MGLL: variants seen among roughly 807,000 people sequenced by gnomAD.
MGLL encodes monoglyceride lipase, also known as lysophospholipase homolog.
Under a neutral mutation model 29.1 loss-of-function variants are expected in MGLL, and 7 were observed. The ratio of observed to expected loss-of-function variants is 0.24; its 90% CI spans 0.14 to 0.45. The LOEUF is 0.45. Among genes scored for constraint, MGLL ranks in the 20% least tolerant of loss-of-function variants. The probability of loss-of-function intolerance (pLI) is 0.99; values close to 1 mark genes in which losing one functional copy is unlikely to be tolerated. For missense variants in MGLL, 356 were observed against 413.6 expected (o/e 0.86, Z 1.21); for synonymous variants, 148 against 168.3 (o/e 0.88, Z 0.93).
At chr3:127,765,723 T>C (rs775548247) in intron 3 of MGLL, among the ~76,000 whole-genome samples, 5 of 152,234 alleles carry the variant, frequency 3.3e-5, no homozygotes, top group Admixed American at 6.5e-5. Flanking sequence ...CCCAGAAGGC[T>C]GATGAAGAAG....
In MGLL at chr3:127,755,032, A is replaced by T. The variant is rs554297486; in HGVS notation, c.262+26757T>A. Among the ~76,000 whole-genome samples the T allele has an allele frequency of 1.1e-3, 167 of 151,882 alleles. 1 individual carries two copies. The highest frequency in any genetic ancestry group is 3.8e-3 in the African/African-American group (156 of 41,398). ...GGTGTTTTATGTTTGTTTTCTCGGCATTTTTTGGTTCTGCACAGTCACGAG... is the reference window on the plus strand; with the variant it reads ...GGTGTTTTATGTTTGTTTTCTCGGCTTTTTTTGGTTCTGCACAGTCACGAG... On this transcript the variant is annotated intron_variant, in intron 3 of 7. Transcript: ENST00000265052.
rs12632988 is a variant in MGLL, at chr3:127,769,949, C to T, written c.262+11840G>A. ...TGCTTTCTTCTTCCACCTGTCATCT[C>T]GACATCAGCCTGCCCTTCCCCAGGC... On this transcript the variant is annotated intron_variant, in intron 3 of 7. Coordinates refer to ENST00000265052, the MANE Select transcript of MGLL (RefSeq NM_007283.7). Among the ~76,000 whole-genome samples the T allele has an allele frequency of 3.3e-5, 5 of 152,212 alleles. No homozygotes were observed. The East Asian group carries it at 5.8e-4, about 18-fold the overall frequency.
intron 6 of MGLL, among the ~76,000 whole-genome samples, chr3:127,703,929 T>C (rs978989341): frequency 6.6e-6 from 1 of 152,214 alleles, no homozygotes; most frequent in African/African-American, 2.4e-5. Context: ...CAGACAATCC[T>C]AGGCAAAAAG....
intron 3 of MGLL, among the ~76,000 whole-genome samples, chr3:127,778,854 T>C (rs976247721): frequency 7.0e-6 from 1 of 142,668 alleles, no homozygotes; most frequent in Non-Finnish European, 1.6e-5. Flanking sequence ...CAGGCTCAAG[T>C]GATCTTCCCA....
intron 6 of MGLL, among the ~76,000 whole-genome samples, chr3:127,702,412 T>A (rs753258131): frequency 1.3e-4 from 19 of 151,970 alleles, no homozygotes; most frequent in Non-Finnish European, 2.5e-4. Flanking sequence ...GAGGCCTGAG[T>A]CCCCACAGTG....
At chr3:127,797,556 G>A (rs913487093) in intron 2 of MGLL, among the ~76,000 whole-genome samples, 4 of 152,056 alleles carry the variant, frequency 2.6e-5, no homozygotes, top group Non-Finnish European at 4.4e-5. Context: ...TAAGACATCC[G>A]GAATGTCACT....
intron 3 of MGLL, among the ~76,000 whole-genome samples, chr3:127,739,548 T>G (rs1268776417): frequency 6.6e-6 from 1 of 152,202 alleles, no homozygotes; most frequent in Non-Finnish European, 1.5e-5. Context: ...CTTAAATTGC[T>G]GAATGACGCC....
At chr3:127,716,941 C>A (rs2075827763) in intron 5 of MGLL, among the ~76,000 whole-genome samples, 1 of 152,170 alleles carries the variant, frequency 6.6e-6, no homozygotes, top group African/African-American at 2.4e-5. Flanking sequence ...TCCCAGTGAC[C>A]CTTGCTGGGA....
intron 2 of MGLL, 23 bp from the exon 3 acceptor site, chr3:127,781,918 T>C: frequency 6.2e-7 from 1 of 1,612,082 alleles, no homozygotes; most frequent in South Asian, 1.1e-5. Context: ...GAAGGGAGCC[T>C]GGTTAGGAAA....
At chr3:127,786,239 C>T (rs1386420643) in intron 2 of MGLL, among the ~76,000 whole-genome samples, 2 of 152,200 alleles carry the variant, frequency 1.3e-5, no homozygotes, top group African/African-American at 2.4e-5. Flanking sequence ...CAAGAGACCA[C>T]GTTCATCAAG....
chr3:127,761,586 C>T lies in MGLL; in HGVS notation c.262+20203G>A, dbSNP rs547903480. Among the ~76,000 whole-genome samples the T allele has an allele frequency of 6.6e-5, 10 of 152,346 alleles. No homozygotes were observed. The highest frequency in any genetic ancestry group is 6.5e-4 in the Admixed American group (10 of 15,306). On this transcript the variant is annotated intron_variant, in intron 3 of 7. Transcript: ENST00000265052. The surrounding 1 kb of genome is among the most constrained non-coding windows in gnomAD (Gnocchi z 4.6). ...CCTTCTGTGTGTGTGTCCACGTGTTCCCCTAAGCGACTGGGCTACACCAGT... is the reference window on the plus strand; with the variant it reads ...CCTTCTGTGTGTGTGTCCACGTGTTTCCCTAAGCGACTGGGCTACACCAGT...
chr3:127,702,118 C>T (rs994315935), intron 6 of MGLL, among the ~76,000 whole-genome samples: 15 of 152,196 alleles, frequency 9.9e-5, no homozygotes, highest in African/African-American at 3.6e-4. Context: ...GGAGATGGAG[C>T]GGGGTCCAGA....
At chr3:127,796,961 G>A (rs888096230) in intron 2 of MGLL, among the ~76,000 whole-genome samples, 3 of 152,128 alleles carry the variant, frequency 2.0e-5, no homozygotes, top group African/African-American at 4.8e-5. Context: ...TTCCCCCGGG[G>A]CGACTGCCTG....
intron 3 of MGLL, among the ~76,000 whole-genome samples, chr3:127,764,673 C>T (rs973415427): frequency 2.2e-4 from 34 of 152,220 alleles, no homozygotes; most frequent in African/African-American, 6.0e-4. Context: ...TATCATCTCT[C>T]TCTGAGAATT....
At chr3:127,805,256 C>T (rs1272729785) in intron 2 of MGLL, among the ~76,000 whole-genome samples, 2 of 152,136 alleles carry the variant, frequency 1.3e-5, no homozygotes, top group South Asian at 2.1e-4. Context: ...AAATGCCAAA[C>T]GGATGGCGAT....
intron 7 of MGLL, among the ~76,000 whole-genome samples, chr3:127,694,319 A>G (rs1404853133): frequency 3.0e-5 from 3 of 99,858 alleles, no homozygotes; most frequent in Non-Finnish European, 4.5e-5. Context: ...GTATGTGTGT[A>G]TATATATATG....
intron 3 of MGLL, among the ~76,000 whole-genome samples, chr3:127,779,818 A>G (rs1193373733): frequency 6.6e-6 from 1 of 152,206 alleles, no homozygotes; most frequent in Non-Finnish European, 1.5e-5. Context: ...AAGGAAATAC[A>G]GCCAAGATCA....
intron 3 of MGLL, chr3:127,735,826 C>T (rs764835022): frequency 6.3e-7 from 1 of 1,598,240 alleles, no homozygotes; most frequent in Non-Finnish European, 8.5e-7. Flanking sequence ...TCGCATCCTT[C>T]CAGGGGAAGA....
chr3:127,818,608 G>T (rs924713520), intron 2 of MGLL, among the ~76,000 whole-genome samples: 1 of 152,248 alleles, frequency 6.6e-6, no homozygotes, highest in Admixed American at 6.5e-5. Flanking sequence ...AACCCAAAAT[G>T]TAAGAATTTA....
Sources: gnomAD v4.1 joint callset for allele counts (sites outside exome capture counted in the v4.1 genomes callset) on GRCh38, gnomAD v4.1.1 for gene constraint, Gnocchi (gnomAD v3.1) non-coding constraint, MANE v1.5 for transcripts, NCBI Gene and HGNC (gene_info 2026-07-23, HGNC 2026-07-21) for gene names.